SLC25A53: variants seen among roughly 807,000 people sequenced by gnomAD.
The protein encoded by SLC25A53 is mitochondrial carrier triple repeat protein 6.
Under a neutral mutation model 15.0 loss-of-function variants are expected in SLC25A53, and 5 were observed. The observed-to-expected ratio is 0.33, with a 90% CI of 0.17 to 0.70. The LOEUF (loss-of-function observed/expected upper bound fraction) is 0.70, where lower values mean the gene tolerates loss of function less well. Ranked by LOEUF, SLC25A53 falls within the 30% of genes least tolerant of loss-of-function variation. The pLI, the probability that SLC25A53 is intolerant of heterozygous loss-of-function variation, is 0.67. For missense variants in SLC25A53, 216 were observed against 241.6 expected, an observed-to-expected ratio of 0.89 and a Z score of 0.70; for synonymous variants, 95 against 100.0, an observed-to-expected ratio of 0.95 and a Z score of 0.30.
At chrX:104,151,971 C>T (rs1270570859) in intron 1 of SLC25A53, among the ~76,000 whole-genome samples, 6 of 111,949 alleles carry the variant, frequency 5.4e-5, no homozygotes, top group East Asian at 2.8e-4. Flanking sequence ...TCACCAATCA[C>T]GTGCAAAAGT....
At chrX:104,148,842 GA>G (rs1206130780) in intron 1 of SLC25A53, among the ~76,000 whole-genome samples, 3 of 110,254 alleles carry the variant, frequency 2.7e-5, no homozygotes, top group South Asian at 3.8e-4. Flanking sequence ...TAACAAAAAA[GA>G]AAAAAAAATC....
chrX:104,128,309 TTATTA>T (rs1294422361), intron 1 of SLC25A53, among the ~76,000 whole-genome samples: 1 of 112,108 alleles, frequency 8.9e-6, no homozygotes, highest in African/African-American at 3.2e-5. Context: ...CTATCAATAT[TTATTA>T]TATTAGAAAT....
rs782331018 is a variant in SLC25A53 at position 104,149,808 on chromosome X, T to C, written c.-32+7070A>G. Among the ~76,000 whole-genome samples the C allele has an allele frequency of 3.5e-4, 39 of 111,648 alleles. No homozygotes were observed. The East Asian group carries it at 7.9e-3, about 23-fold the overall frequency. ...GGGATGACAGGTACTACGGTGGCCATCTCTGAAAAATACAATCTGCCACTT... is the reference window on the plus strand; with the variant it reads ...GGGATGACAGGTACTACGGTGGCCACCTCTGAAAAATACAATCTGCCACTT... On this transcript the variant is annotated intron_variant, in intron 1 of 1. Transcript: ENST00000594199.
chrX:104,151,152 G>T (rs1404713220), intron 1 of SLC25A53, among the ~76,000 whole-genome samples: 2 of 111,320 alleles, frequency 1.8e-5, no homozygotes, highest in Non-Finnish European at 3.8e-5. Context: ...GGTCCCCCAG[G>T]TTTCCTCCTT....
intron 1 of SLC25A53, among the ~76,000 whole-genome samples, chrX:104,149,991 G>A (rs1184123527): frequency 9.0e-6 from 1 of 110,642 alleles, no homozygotes; most frequent in Non-Finnish European, 1.9e-5. Flanking sequence ...TCAATACTTT[G>A]GGAGTCCGAG....
Position 104,104,268 on chromosome X carries a change from T to A in SLC25A53, c.*66A>T. 1 of 1,056,125 alleles carries A rather than the reference T, an allele frequency of 9.5e-7. No individual in the cohort carries two copies. The highest frequency in any genetic ancestry group is 1.3e-6 in the Non-Finnish European group (1 of 775,413). The allele number at this position is 1,056,125 out of a possible 1,213,427, so 87.0% of individuals were successfully genotyped here. ...GTATTAGGCAACCTAGCCAAAGAAGTAAGCTATATAGAACCAACCAGGGAA... is the reference window on the plus strand; with the variant it reads ...GTATTAGGCAACCTAGCCAAAGAAGAAAGCTATATAGAACCAACCAGGGAA... On this transcript the variant is annotated 3_prime_UTR_variant, in exon 2 of 2. Transcript: ENST00000594199.
At chrX:104,151,766 A>T (rs1288358996) in intron 1 of SLC25A53, among the ~76,000 whole-genome samples, 1 of 112,123 alleles carries the variant, frequency 8.9e-6, no homozygotes, top group Non-Finnish European at 1.9e-5. Context: ...CTGAATGTTC[A>T]TGCAACAAAA....
At chrX:104,144,987 C>T (rs781860573) in intron 1 of SLC25A53, among the ~76,000 whole-genome samples, 1 of 112,093 alleles carries the variant, frequency 8.9e-6, no homozygotes, top group East Asian at 2.8e-4. Flanking sequence ...GAACTCTCCA[C>T]CCCAAATCAA....
At chrX:104,154,299 C>T (rs1233570472) in intron 1 of SLC25A53, among the ~76,000 whole-genome samples, 3 of 112,164 alleles carry the variant, frequency 2.7e-5, no homozygotes, top group African/African-American at 9.7e-5. Flanking sequence ...TATTATCTCA[C>T]ACCTTCCAGA....
chrX:104,110,458 C>T (rs1280516629), intron 1 of SLC25A53, among the ~76,000 whole-genome samples: 1 of 111,662 alleles, frequency 9.0e-6, no homozygotes, highest in Non-Finnish European at 1.9e-5. Flanking sequence ...AACTCTAGAT[C>T]TTGGGGTTGT....
At position 104,104,396 on chromosome X, in the gene SLC25A53, T is replaced by A; in HGVS notation, c.862A>T (p.Thr288Ser). ...CTCTGCAGGAAGTCATGGATTGCCG[T>A]AGTGAGGCCCCATGTCACACTGGAC... Reference protein sequence around the residue: ...LRSSVTWGLTTAIHDFLQRKS... With the variant: ...LRSSVTWGLTSAIHDFLQRKS... Residue 288 changes from threonine to serine, a missense_variant, in exon 2 of 2, where the codon ACG (threonine) becomes TCG (serine). Thr to Ser is a moderately conservative substitution (Grantham distance 58). Coordinates refer to ENST00000594199, the MANE Select transcript of SLC25A53 (RefSeq NM_001012755.5). The A allele has an allele frequency of 8.3e-7, 1 of 1,211,674 alleles. No homozygotes were observed. The highest frequency in any genetic ancestry group is 1.1e-6 in the Non-Finnish European group (1 of 895,396).
chrX:104,151,384 T>C (rs1431110863), intron 1 of SLC25A53, among the ~76,000 whole-genome samples: 1 of 111,762 alleles, frequency 8.9e-6, no homozygotes, highest in African/African-American at 3.3e-5. Context: ...AGTGTGTTCT[T>C]CATTTTTCTC....
intron 1 of SLC25A53, among the ~76,000 whole-genome samples, chrX:104,136,821 C>A (rs2075437830): frequency 9.0e-6 from 1 of 111,687 alleles, no homozygotes; most frequent in Admixed American, 9.5e-5. Flanking sequence ...TTTACCTGTA[C>A]GCATTCATTC....
rs782572924 is a variant in SLC25A53 at position 104,105,107 on chromosome X, C to T, written c.151G>A (p.Val51Ile). 2.9e-4 allele frequency: 350 copies of T among 1,210,827 alleles called. 3 individuals carry two copies. In the South Asian group the frequency reaches 6.0e-3, roughly 21 times the overall value. Reference sequence around the variant, plus strand: ...GCATGGATCTGTTGCCGGAACACAACCTTATAGATAGGAAAGGTCAGAAAA... The same window carrying T: ...GCATGGATCTGTTGCCGGAACACAATCTTATAGATAGGAAAGGTCAGAAAA... ...STFLTFPIYKVVFRQQIHAMA... is the reference protein window; with the variant it reads ...STFLTFPIYKIVFRQQIHAMA... Residue 51 changes from valine (V) to isoleucine (I), a missense_variant, in exon 2 of 2, where the codon GTT (valine) becomes ATT (isoleucine). Physicochemically the swap from Val to Ile is conservative, Grantham distance 29. Coordinates refer to ENST00000594199, the MANE Select transcript of SLC25A53 (RefSeq NM_001012755.5).
intron 1 of SLC25A53, among the ~76,000 whole-genome samples, chrX:104,108,191 G>A (rs1556356978): frequency 9.0e-6 from 1 of 111,550 alleles, no homozygotes; most frequent in Non-Finnish European, 1.9e-5. Flanking sequence ...CTTTGGAAAG[G>A]GCAGACAGAC....
At chrX:104,110,699 G>A (rs1214326092) in intron 1 of SLC25A53, among the ~76,000 whole-genome samples, 1 of 112,132 alleles carries the variant, frequency 8.9e-6, no homozygotes, top group East Asian at 2.8e-4. Flanking sequence ...CATTCACTTT[G>A]GACAGCCCTG....
chrX:104,141,733 A>G (rs1293925686), intron 1 of SLC25A53, among the ~76,000 whole-genome samples: 2 of 110,796 alleles, frequency 1.8e-5, no homozygotes, highest in Non-Finnish European at 3.8e-5. Context: ...GACCACAGGC[A>G]TGCACCACCA....
intron 1 of SLC25A53, among the ~76,000 whole-genome samples, chrX:104,125,093 C>T (rs2075406688): frequency 9.1e-6 from 1 of 109,758 alleles, no homozygotes; most frequent in Non-Finnish European, 1.9e-5. Context: ...GATCTGCCCG[C>T]CTCAGCCTCC....
intron 1 of SLC25A53, among the ~76,000 whole-genome samples, chrX:104,116,117 A>C (rs2075376067): frequency 2.9e-5 from 3 of 103,493 alleles, no homozygotes; most frequent in Non-Finnish European, 2.0e-5. Context: ...CAGATGGGGA[A>C]CGGGGGGGGG....
Sources: gnomAD v4.1 joint callset for allele counts (sites outside exome capture counted in the v4.1 genomes callset) on GRCh38, gnomAD v4.1.1 for gene constraint, MANE v1.5 for transcripts, NCBI Gene and HGNC (gene_info 2026-07-23, HGNC 2026-07-21) for gene names.